TRMO: variants seen among roughly 807,000 people sequenced by gnomAD.
The protein encoded by TRMO is tRNA methyltransferase O, also known as tRNA (adenine(37)-N6)-methyltransferase.
A neutral mutation model predicts 37.2 loss-of-function variants in TRMO; 30 were observed. The ratio of observed to expected loss-of-function variants is 0.81; its 90% CI spans 0.60 to 1.09. The LOEUF is 1.09. Among genes scored for constraint, TRMO ranks in the 50% least tolerant of loss-of-function variants. TRMO has a pLI of 0.00. For missense variants in TRMO, 552 were observed against 549.5 expected (o/e 1.00, Z -0.05); for synonymous variants, 239 against 199.4 (o/e 1.20, Z -1.67).
chr9:97,903,822 G>A (rs184348917), downstream of TRMO, among the ~76,000 whole-genome samples: 16 of 152,222 alleles, frequency 1.1e-4, no homozygotes, highest in Admixed American at 9.1e-4. Context: ...GGCCAGGCAC[G>A]GTGGCTCACA....
intron 2 of TRMO, among the ~76,000 whole-genome samples, chr9:97,914,760 A>T (rs764712106): frequency 1.3e-5 from 2 of 152,134 alleles, no homozygotes; most frequent in African/African-American, 2.4e-5. Context: ...ATACTTTTTT[A>T]AAAAAAGCAA....
At position 97,913,547 on chromosome 9, in the gene TRMO, A is replaced by C; in HGVS notation, c.263T>G (p.Val88Gly). 2 of 1,607,258 alleles carry C rather than the reference A, an allele frequency of 1.2e-6. No individual in the cohort carries two copies. Among genetic ancestry groups the C allele is most frequent in the Non-Finnish European group, 1.7e-6 (2 of 1,175,542 alleles). ...EQFSHVWILF[V>G]FHKNGHLSCK... ...GCTCAAATGACCATTTTTGTGAAAA[A>C]CAAACAAAATCCTATAGAAAACAAA... Residue 88 changes from valine to glycine, a missense_variant, in exon 3 of 5, where the codon GTT (valine) becomes GGT (glycine). Val to Gly is a moderately radical substitution (Grantham distance 109). Transcript: ENST00000375119.
At chr9:97,917,098 G>A (rs572929647) in intron 1 of TRMO, among the ~76,000 whole-genome samples, 3 of 152,176 alleles carry the variant, frequency 2.0e-5, no homozygotes, top group Non-Finnish European at 2.9e-5. Context: ...GCCTATGAGG[G>A]TATTTCTAAT....
chr9:97,907,753 C>T (rs911810030), intron 4 of TRMO, among the ~76,000 whole-genome samples: 2 of 152,156 alleles, frequency 1.3e-5, no homozygotes, highest in Admixed American at 6.5e-5. Flanking sequence ...CCTTAGGTGA[C>T]CTCGTCCCTT....
chr9:97,922,206 T>C (rs1031970984), intron 1 of TRMO, among the ~76,000 whole-genome samples: 15 of 152,168 alleles, frequency 9.9e-5, no homozygotes, highest in Non-Finnish European at 2.2e-4. Context: ...AGTACAAGTC[T>C]TATAACAAAG....
At chr9:97,903,131 G>GGTGGCAT (rs1825719873), downstream of TRMO, among the ~76,000 whole-genome samples, 1 of 151,986 alleles carries the variant, frequency 6.6e-6, no homozygotes, top group African/African-American at 2.4e-5. Context: ...AGTGGGGCAT[G>GGTGGCAT]GTGGCATGAG....
chr9:97,909,472 C>T (rs931224132), intron 4 of TRMO, among the ~76,000 whole-genome samples: 5 of 152,186 alleles, frequency 3.3e-5, no homozygotes, highest in African/African-American at 1.2e-4. Context: ...GGGGCAAGTT[C>T]TGTGCTAAGA....
At position 97,922,471 on chromosome 9, in the gene TRMO, C is replaced by A. The variant is rs574170108; in HGVS notation, c.23G>T (p.Gly8Val). The A allele has an allele frequency of 1.8e-5, 29 of 1,585,172 alleles. No individual in the cohort carries two copies. Among genetic ancestry groups the A allele is most frequent in the Non-Finnish European group, 2.4e-5 (28 of 1,167,190 alleles). MRGLEES[G>V]PRPTATPCGC... is the part of the protein sequence containing the mutation. ...GCACGGGGTCGCTGTAGGCCGAGGC[C>A]CCGACTCCTCCAAGCCGCGCATGGC... is the stretch of plus-strand genomic sequence containing the variant. Residue 8 changes from glycine to valine, a missense_variant, in exon 1 of 5, where the codon GGG becomes GTG. Coordinates refer to ENST00000375119, the MANE Select transcript of TRMO (RefSeq NM_016481.5).
chr9:97,922,133 C>A (rs1230368807), intron 1 of TRMO, among the ~76,000 whole-genome samples: 2 of 152,200 alleles, frequency 1.3e-5, no homozygotes, highest in African/African-American at 2.4e-5. Flanking sequence ...AAGGAAACCC[C>A]TAAGAGAAAA....
Position 97,913,532 on chromosome 9 carries a change from C to T in TRMO, c.278G>A (p.Gly93Asp), listed in dbSNP as rs757732466. The T allele has an allele frequency of 1.9e-6, 3 of 1,610,246 alleles. No homozygotes were observed. Among genetic ancestry groups the T allele is most frequent in the South Asian group, 1.1e-5 (1 of 90,068 alleles). The part of the protein sequence containing the change: ...VWILFVFHKN[G>D]HLSCKAKVQP... ...CACTTTTGCCTTACAGCTCAAATGA[C>T]CATTTTTGTGAAAAACAAACAAAAT... Residue 93 changes from glycine (G) to aspartate (D), a missense_variant, in exon 3 of 5, where the codon GGT becomes GAT. Gly to Asp is a moderately conservative substitution (Grantham distance 94). Transcript: ENST00000375119.
intron 3 of TRMO, chr9:97,912,878 C>T (rs2131529462): frequency 1.5e-6 from 2 of 1,290,376 alleles, no homozygotes; most frequent in Non-Finnish European, 1.0e-6. Flanking sequence ...ACAACCTGAC[C>T]AATGTTTGTC....
At position 97,913,536 on chromosome 9, in the gene TRMO, T is replaced by C. The variant is rs1394278599; in HGVS notation, c.274A>G (p.Asn92Asp). Reference sequence around the variant, plus strand: ...TTTGCCTTACAGCTCAAATGACCATTTTTGTGAAAAACAAACAAAATCCTA... The same window carrying C: ...TTTGCCTTACAGCTCAAATGACCATCTTTGTGAAAAACAAACAAAATCCTA... ...HVWILFVFHK[N>D]GHLSCKAKVQ... The change falls in exon 3 of 5, where the codon AAT becomes GAT. Residue 92 changes from asparagine to aspartate, a missense_variant. Coordinates refer to ENST00000375119, the MANE Select transcript of TRMO (RefSeq NM_016481.5). 1 of 1,609,736 alleles carries C rather than the reference T, an allele frequency of 6.2e-7. No homozygotes were observed.
Position 97,922,451 on chromosome 9 carries a change from G to T in TRMO, c.43C>A (p.Pro15Thr). ...EESGPRPTAT[P>T]CGCVKPALET... is the part of the protein sequence containing the mutation. ...AGAGCCGGCTTAACGCAGCCGCACG[G>T]GGTCGCTGTAGGCCGAGGCCCCGAC... Residue 15 changes from proline (P) to threonine (T), a missense_variant, in exon 1 of 5, where the codon CCG (proline) becomes ACG (threonine). Transcript: ENST00000375119. The T allele has an allele frequency of 6.3e-7, 1 of 1,588,594 alleles. No individual in the cohort carries two copies.
intron 3 of TRMO, chr9:97,911,985 A>G (rs1170726211): frequency 6.6e-6 from 1 of 152,356 alleles, no homozygotes; most frequent in African/African-American, 2.4e-5. Context: ...ATGCCTAACA[A>G]TATCTGTAGG....
At position 97,913,520 on chromosome 9, in the gene TRMO, C is replaced by G; in HGVS notation, c.290G>C (p.Cys97Ser). The G allele has an allele frequency of 1.2e-6, 2 of 1,613,502 alleles. No homozygotes were observed. The highest frequency in any genetic ancestry group is 1.7e-6 in the Non-Finnish European group (2 of 1,179,732). ...FVFHKNGHLS[C>S]KAKVQPPRLN... ...CCTAGGAGGCTGCACTTTTGCCTTA[C>G]AGCTCAAATGACCATTTTTGTGAAA... Residue 97 changes from cysteine to serine, a missense_variant, in exon 3 of 5, where the codon TGT becomes TCT. Coordinates refer to ENST00000375119, the MANE Select transcript of TRMO (RefSeq NM_016481.5).
At chr9:97,917,659 C>T (rs1826431589) in intron 1 of TRMO, among the ~76,000 whole-genome samples, 1 of 152,066 alleles carries the variant, frequency 6.6e-6, no homozygotes, top group Non-Finnish European at 1.5e-5. Flanking sequence ...ATATGCACCA[C>T]ATGCTGTGTT....
At chr9:97,902,140 T>TTC (rs987839475), downstream of TRMO, among the ~76,000 whole-genome samples, 1 of 152,130 alleles carries the variant, frequency 6.6e-6, no homozygotes, top group Non-Finnish European at 1.5e-5. Context: ...TCAGGAAGAA[T>TTC]GTTTTAATAA....
At chr9:97,899,606 C>T (rs1196517485), downstream of TRMO, among the ~76,000 whole-genome samples, 3 of 152,006 alleles carry the variant, frequency 2.0e-5, no homozygotes, top group African/African-American at 7.3e-5. Flanking sequence ...AAAAGACAGG[C>T]CAGGCACGGT....
intron 2 of TRMO, among the ~76,000 whole-genome samples, chr9:97,914,331 A>G (rs1022176521): frequency 1.3e-5 from 2 of 152,246 alleles, no homozygotes; most frequent in African/African-American, 4.8e-5. Flanking sequence ...TTTAGAAATT[A>G]AACTAAAAAT....
Sources: allele counts gnomAD v4.1 joint callset (sites outside exome capture counted in the v4.1 genomes callset), GRCh38; gene constraint gnomAD v4.1.1; transcripts MANE v1.5; gene names NCBI Gene and HGNC (gene_info 2026-07-23, HGNC 2026-07-21).